Variants in ST3GAL1 observed in about 807,000 individuals in gnomAD.
The protein encoded by ST3GAL1 is CMP-N-acetylneuraminate-beta-galactosamide-alpha-2,3-sialyltransferase 1.
Under a neutral mutation model 34.1 loss-of-function variants are expected in ST3GAL1, and 16 were observed. The observed-to-expected ratio is 0.47, with a 90% CI of 0.32 to 0.71. The LOEUF (loss-of-function observed/expected upper bound fraction) is 0.71. Among genes scored for constraint, ST3GAL1 ranks in the 30% least tolerant of loss-of-function variants. The probability of loss-of-function intolerance (pLI) is 0.04; values close to 1 mark genes in which losing one functional copy is unlikely to be tolerated. For missense variants in ST3GAL1, 353 were observed against 447.4 expected (o/e 0.79, Z 1.90); for synonymous variants, 191 against 184.7 (o/e 1.03, Z -0.28).
chr8:133,484,987 C>A (rs561654301), intron 3 of ST3GAL1, among the ~76,000 whole-genome samples: 2 of 152,314 alleles, frequency 1.3e-5, no homozygotes, highest in South Asian at 4.1e-4. Context: ...ACGAATAAGG[C>A]TAGAAGCTAG....
chr8:133,483,436 A>G (rs1433494014), intron 3 of ST3GAL1, among the ~76,000 whole-genome samples: 2 of 152,224 alleles, frequency 1.3e-5, no homozygotes, highest in East Asian at 1.9e-4. Flanking sequence ...GCCACAGAGT[A>G]GATGACCACA....
intron 3 of ST3GAL1, among the ~76,000 whole-genome samples, chr8:133,486,045 C>A (rs956786041): frequency 6.6e-6 from 1 of 152,216 alleles, no homozygotes; most frequent in South Asian, 2.1e-4. Flanking sequence ...GCTGGGCCCA[C>A]AACAAGCTCC....
At chr8:133,476,714 GC>G (rs1370553161) in intron 3 of ST3GAL1, 114 bp from the exon 4 acceptor site, 4 of 152,234 alleles carry the variant, frequency 2.6e-5, no homozygotes, top group African/African-American at 9.6e-5. Context: ...CTGGTGTCAT[GC>G]CAACCTGGCA....
intron 3 of ST3GAL1, among the ~76,000 whole-genome samples, chr8:133,484,907 C>T (rs1346285228): frequency 3.9e-5 from 6 of 152,138 alleles, no homozygotes; most frequent in Admixed American, 2.0e-4. Context: ...CTGGGTATCA[C>T]GCACTGGGAA....
chr8:133,482,562 T>C (rs548055063), intron 3 of ST3GAL1, among the ~76,000 whole-genome samples: 1 of 152,350 alleles, frequency 6.6e-6, no homozygotes, highest in Admixed American at 6.5e-5. Context: ...CTGCATCTGC[T>C]TTCACTTTAT....
At chr8:133,499,539 A>C (rs1300334873) in intron 2 of ST3GAL1, 4 of 152,232 alleles carry the variant, frequency 2.6e-5, no homozygotes, top group African/African-American at 9.6e-5. Context: ...AAATGGGGGA[A>C]GAATGAGGCA....
intron 3 of ST3GAL1, among the ~76,000 whole-genome samples, chr8:133,486,481 C>G (rs746321341): frequency 6.6e-6 from 1 of 152,338 alleles, no homozygotes; most frequent in African/African-American, 2.4e-5. Context: ...CACTCAACGC[C>G]GCTCTCCTCC....
chr8:133,554,720 T>C (rs1818956131), intron 1 of ST3GAL1, among the ~76,000 whole-genome samples: 1 of 150,452 alleles, frequency 6.6e-6, no homozygotes, highest in Non-Finnish European at 1.5e-5. Flanking sequence ...TTTATTTCTT[T>C]ATTTCTTTTC....
chr8:133,541,894 C>T (rs1359354551), intron 2 of ST3GAL1, among the ~76,000 whole-genome samples: 5 of 152,012 alleles, frequency 3.3e-5, no homozygotes, highest in East Asian at 1.9e-4. Context: ...TTGGTGGCGG[C>T]GTTGATAGTG....
In ST3GAL1 at chr8:133,506,639, G is replaced by C. The variant is rs575995889; in HGVS notation, c.-428-7450C>G. Among the ~76,000 whole-genome samples, 5 of 151,930 alleles carry C rather than the reference G, an allele frequency of 3.3e-5. No homozygotes were observed. In the South Asian group the frequency reaches 1.0e-3, roughly 32 times the overall value. ...GTTTCTACTTAAAATACAAAAATTA[G>C]CCGGGCGTGGTGGTACGCACCTGTA... On this transcript the variant is annotated intron_variant, in intron 2 of 9. Coordinates refer to ENST00000522652, the MANE Select transcript of ST3GAL1 (RefSeq NM_173344.3).
intron 2 of ST3GAL1, among the ~76,000 whole-genome samples, chr8:133,544,693 G>A (rs1282732058): frequency 6.6e-6 from 1 of 152,122 alleles, no homozygotes. Context: ...ATATCTACTT[G>A]CATAAATAAA....
intron 2 of ST3GAL1, among the ~76,000 whole-genome samples, chr8:133,531,041 G>A (rs1554617781): frequency 6.6e-6 from 1 of 151,644 alleles, no homozygotes; most frequent in Non-Finnish European, 1.5e-5. Flanking sequence ...CCACATTTAT[G>A]ATTATGCTCT....
At chr8:133,546,262 C>T (rs1315669031) in intron 1 of ST3GAL1, among the ~76,000 whole-genome samples, 2 of 152,148 alleles carry the variant, frequency 1.3e-5, no homozygotes, top group African/African-American at 4.8e-5. Context: ...GCAGGCAGAT[C>T]GCTTGAGGTC....
At chr8:133,491,604 A>AT (rs1816788349) in intron 3 of ST3GAL1, among the ~76,000 whole-genome samples, 1 of 152,102 alleles carries the variant, frequency 6.6e-6, no homozygotes, top group African/African-American at 2.4e-5. Flanking sequence ...AATGCTACTG[A>AT]TTTTCAGGGG....
At chr8:133,561,647 GT>G (rs375842540) in intron 1 of ST3GAL1, among the ~76,000 whole-genome samples, 2 of 151,880 alleles carry the variant, frequency 1.3e-5, no homozygotes, top group Non-Finnish European at 2.9e-5. Flanking sequence ...GATTTATGTT[GT>G]TTTTTTTGCC....
At chr8:133,535,820 G>C (rs371012904) in intron 2 of ST3GAL1, among the ~76,000 whole-genome samples, 2 of 152,148 alleles carry the variant, frequency 1.3e-5, no homozygotes, top group South Asian at 4.1e-4. Flanking sequence ...ATTAAGATAT[G>C]TACATTGTTG....
chr8:133,461,808 G>T lies in ST3GAL1; in HGVS notation c.849+67C>A. Reference sequence around the variant, plus strand: ...GGTCTACCTGCCCTCCCCCTCCCTGGCCTCTCTTGGGAACACAGGACGGTG... The same window carrying T: ...GGTCTACCTGCCCTCCCCCTCCCTGTCCTCTCTTGGGAACACAGGACGGTG... On this transcript the variant is annotated intron_variant, in intron 9 of 9. Transcript: ENST00000522652. The surrounding 1 kb of genome is among the most constrained non-coding windows in gnomAD (Gnocchi z 4.7). The T allele has an allele frequency of 6.3e-7, 1 of 1,597,410 alleles. No homozygotes were observed. Among genetic ancestry groups the T allele is most frequent in the Non-Finnish European group, 8.6e-7 (1 of 1,168,848 alleles).
chr8:133,499,707 G>A (rs1817085976), intron 2 of ST3GAL1, among the ~76,000 whole-genome samples: 1 of 152,168 alleles, frequency 6.6e-6, no homozygotes, highest in South Asian at 2.1e-4. Flanking sequence ...CCTCATGACA[G>A]TCCCTTGGGG....
chr8:133,542,437 C>A (rs1415622012), intron 2 of ST3GAL1, among the ~76,000 whole-genome samples: 1 of 152,146 alleles, frequency 6.6e-6, no homozygotes, highest in Non-Finnish European at 1.5e-5. Context: ...CAAAAGACTG[C>A]AACCTATTGA....
Sources: allele counts gnomAD v4.1 joint callset (sites outside exome capture counted in the v4.1 genomes callset), GRCh38; gene constraint gnomAD v4.1.1; non-coding constraint Gnocchi (gnomAD v3.1); transcripts MANE v1.5; gene names NCBI Gene and HGNC (gene_info 2026-07-23, HGNC 2026-07-21).